Variants in STAMBP observed in about 807,000 individuals in gnomAD.
STAMBP encodes the protein STAM binding protein.
In STAMBP, 31 loss-of-function variants were observed where a neutral mutation model predicts 50.7. The ratio of observed to expected loss-of-function variants is 0.61; its 90% CI spans 0.46 to 0.83. The LOEUF (loss-of-function observed/expected upper bound fraction) is 0.83, where lower values mean the gene tolerates loss of function less well. STAMBP is among the 40% of genes least tolerant of loss of function. The pLI is 0.00. For missense variants in STAMBP, 472 were observed against 518.9 expected (o/e 0.91, Z 0.88); for synonymous variants, 211 against 192.4 (o/e 1.10, Z -0.80).
intron 4 of STAMBP, among the ~76,000 whole-genome samples, chr2:73,846,895 A>G (rs941613425): frequency 6.6e-6 from 1 of 152,086 alleles, no homozygotes; most frequent in Non-Finnish European, 1.5e-5. Flanking sequence ...TAGCCTGGGC[A>G]ACATGGCGAA....
intron 2 of STAMBP, 184 bp from the exon 3 acceptor site, chr2:73,844,627 ACT>A: frequency 2.4e-6 from 1 of 420,580 alleles, no homozygotes; most frequent in Non-Finnish European, 4.2e-6. Flanking sequence ...AGAGGAAAAG[ACT>A]CTGGCTCTTT....
chr2:73,830,072 A>T (rs369735691), intron 1 of STAMBP, among the ~76,000 whole-genome samples: 1 of 152,240 alleles, frequency 6.6e-6, no homozygotes, highest in Non-Finnish European at 1.5e-5. Context: ...AACAGCAACT[A>T]TATCTAGAAA....
At chr2:73,871,799 G>T (rs770579406), downstream of STAMBP, among the ~76,000 whole-genome samples, 3 of 151,974 alleles carry the variant, frequency 2.0e-5, no homozygotes, top group Non-Finnish European at 4.4e-5. Context: ...ACAGAGGCTC[G>T]CTGTGTCACC....
intron 7 of STAMBP, among the ~76,000 whole-genome samples, chr2:73,857,669 C>G (rs1417009927): frequency 6.6e-6 from 1 of 152,144 alleles, no homozygotes. Context: ...AATGCTGTTA[C>G]TTTCCATTAG....
rs74461860 is a variant in STAMBP at position 73,830,569 on chromosome 2, C to T, written c.-12-276C>T. 0.01 allele frequency among the ~76,000 whole-genome samples: 1,555 copies of T among 152,334 alleles called. 22 individuals carry two copies. The highest frequency in any genetic ancestry group is 0.034 in the African/African-American group (1,425 of 41,566). On this transcript the variant is annotated intron_variant, in intron 1 of 9. Transcript: ENST00000394070. ...AGGATTTGATTAACTTGAACTGAAC[C>T]TTTGGTTGGTCCACTGTGGTTCTAC...
rs747241316 is a variant in STAMBP at position 73,849,313 on chromosome 2, G to C, written c.743-50G>C. Reference sequence around the variant, plus strand: ...GGGCTGCTGGCTGTGAGGTCTGCTTGAGGAGGCAGGGCTCAGTGGTCGCAG... The same window carrying C: ...GGGCTGCTGGCTGTGAGGTCTGCTTCAGGAGGCAGGGCTCAGTGGTCGCAG... On this transcript the variant is annotated intron_variant, in intron 5 of 9. Coordinates refer to ENST00000394070, the MANE Select transcript of STAMBP (RefSeq NM_213622.4). 3.7e-6 allele frequency: 6 copies of C among 1,611,190 alleles called. No individual in the cohort carries two copies. The East Asian group carries it at 1.1e-4, about 30-fold the overall frequency.
At position 73,829,389 on chromosome 2, in the gene STAMBP, T is replaced by A. The variant is rs1673614618; in HGVS notation, c.-134T>A. Reference sequence around the variant, plus strand: ...CCCCCTCGGTCCTTTACGCCGCCTTTCCCCCTCATTTGCAGATGCTGCATC... The same window carrying A: ...CCCCCTCGGTCCTTTACGCCGCCTTACCCCCTCATTTGCAGATGCTGCATC... On this transcript the variant is annotated 5_prime_UTR_variant, in exon 1 of 10. Coordinates refer to ENST00000394070, the MANE Select transcript of STAMBP (RefSeq NM_213622.4). 1 of 152,472 alleles carries A rather than the reference T, an allele frequency of 6.6e-6. No individual in the cohort carries two copies. The highest frequency in any genetic ancestry group is 6.5e-5 in the Admixed American group (1 of 15,280). 9.4% of individuals were successfully genotyped at this position (152,472 alleles called of 1,614,324 possible). A position where few individuals can be genotyped will look rare whatever the true frequency, so the allele number is the denominator to read the frequency against.
rs749793548 is a variant in STAMBP, at chr2:73,862,258, G to A, written c.1274G>A (p.Ter425=). 1 of 1,611,552 alleles carries A rather than the reference G, an allele frequency of 6.2e-7. No individual in the cohort carries two copies. Among genetic ancestry groups the A allele is most frequent in the Non-Finnish European group, 8.5e-7 (1 of 1,179,078 alleles). The change falls in exon 10 of 10, where the codon TGA becomes TAA. Residue 425 remains the stop codon, a stop_retained_variant. Coordinates refer to ENST00000394070, the MANE Select transcript of STAMBP (RefSeq NM_213622.4). ...DRAVTITDLR[*] ...GCAGTGACCATCACAGACCTTCGAT[G>A]AGCGTTTGAGTCCAACACCTTCCAA...
At position 73,845,149 on chromosome 2, in the gene STAMBP, T is replaced by C. The variant is rs762762922; in HGVS notation, c.280-18T>C. 6.2e-7 allele frequency: 1 copy of C among 1,611,448 alleles called. No individual in the cohort carries two copies. Among genetic ancestry groups the C allele is most frequent in the Non-Finnish European group, 8.5e-7 (1 of 1,178,430 alleles). ...TTTCTGGCATTGTTCTAATTCTATT[T>C]TCTGTTTTGTGTCTCAGAAATTAAA... On this transcript the variant is annotated intron_variant, in intron 3 of 9. Transcript: ENST00000394070.
rs1198610621 is a variant in STAMBP at position 73,865,206 on chromosome 2, TAGG to T, written c.*2950_*2952del. On this transcript the variant is annotated 3_prime_UTR_variant, in exon 10 of 10. Transcript: ENST00000394070. ...TGGGGTTGAGAAGAATGGAGGCTAT[TAGG>T]AGCAAAGCTTTAATGAGTGAAAGTC... 6.6e-6 allele frequency: 1 copy of T among 152,216 alleles called. No individual in the cohort carries two copies. Among genetic ancestry groups the T allele is most frequent in the East Asian group, 1.9e-4 (1 of 5,202 alleles). 9.4% of individuals were successfully genotyped at this position (152,216 alleles called of 1,614,324 possible).
In STAMBP at chr2:73,847,671, C is replaced by T; in HGVS notation, c.660C>T (p.Asp220=). 1.2e-6 allele frequency: 2 copies of T among 1,614,234 alleles called. No homozygotes were observed. The highest frequency in any genetic ancestry group is 1.7e-6 in the Non-Finnish European group (2 of 1,180,038). ...TLTVSSIQPS[D]CHTTVRPAKP... ...CAGTCTCATCCATACAGCCTTCAGA[C>T]TGTCACACAACTGTAAGGCCAGCTA... Residue 220 remains aspartate, a synonymous_variant, in exon 5 of 10, where the codon GAC becomes GAT. Coordinates refer to ENST00000394070, the MANE Select transcript of STAMBP (RefSeq NM_213622.4).
chr2:73,843,406 G>GTATATGTATATATATATATA (rs1553380272), intron 2 of STAMBP, among the ~76,000 whole-genome samples: 2 of 129,944 alleles, frequency 1.5e-5, no homozygotes, highest in African/African-American at 6.7e-5. Flanking sequence ...GTTTGTGTAT[G>GTATATGTATATATATATATA]TATATATATA....
intron 7 of STAMBP, among the ~76,000 whole-genome samples, chr2:73,857,974 A>G (rs7565874): frequency 0.039 from 5,891 of 149,974 alleles, 384 homozygotes; most frequent in African/African-American, 0.13. Context: ...AATTGTTTAT[A>G]CTCCTTATTT....
intron 7 of STAMBP, among the ~76,000 whole-genome samples, chr2:73,851,092 T>C (rs1676749789): frequency 1.3e-5 from 2 of 152,202 alleles, no homozygotes; most frequent in Admixed American, 1.3e-4. Context: ...AACCCCTCAC[T>C]CTCATAGCCC....
At chr2:73,847,880 T>TA in intron 5 of STAMBP, 127 bp downstream of exon 5, 1 of 1,238,804 alleles carries the variant, frequency 8.1e-7, no homozygotes, top group Non-Finnish European at 1.1e-6. Context: ...ACCCATCTGA[T>TA]AAGTATTGCT....
In STAMBP at chr2:73,850,330, G is replaced by A; in HGVS notation, c.868-46G>A. 1 of 1,578,340 alleles carries A rather than the reference G, an allele frequency of 6.3e-7. No homozygotes were observed. The highest frequency in any genetic ancestry group is 1.2e-5 in the South Asian group (1 of 84,396). On this transcript the variant is annotated intron_variant, in intron 6 of 9. Coordinates refer to ENST00000394070, the MANE Select transcript of STAMBP (RefSeq NM_213622.4). This position sits in a 1 kb window ranked among gnomAD's most constrained non-coding sequence, Gnocchi z 4.3. The stretch of plus-strand genomic sequence containing the variant: ...TGTCGGGATGGAGTGGAGCAGGGTT[G>A]CATGAGCACCAGGGAATTGTGACCA...
chr2:73,842,945 T>G (rs1675585371), intron 2 of STAMBP, among the ~76,000 whole-genome samples: 1 of 152,166 alleles, frequency 6.6e-6, no homozygotes, highest in Non-Finnish European at 1.5e-5. Context: ...TTATATGACA[T>G]AGTACTTTCT....
intron 7 of STAMBP, among the ~76,000 whole-genome samples, chr2:73,854,604 T>C (rs914398573): frequency 1.4e-4 from 22 of 152,150 alleles, no homozygotes; most frequent in African/African-American, 5.3e-4. Context: ...GCCTCCTGAG[T>C]AGCTAAGACT....
intron 4 of STAMBP, 102 bp downstream of exon 4, chr2:73,845,364 G>T (rs1000640183): frequency 2.4e-6 from 2 of 829,418 alleles, no homozygotes; most frequent in Non-Finnish European, 3.8e-6. Flanking sequence ...TTAATGTGCT[G>T]TTTCACCTTT....
Sources: allele counts gnomAD v4.1 joint callset (sites outside exome capture counted in the v4.1 genomes callset), GRCh38; gene constraint gnomAD v4.1.1; non-coding constraint Gnocchi (gnomAD v3.1); transcripts MANE v1.5; gene names NCBI Gene and HGNC (gene_info 2026-07-23, HGNC 2026-07-21).